C9orf85: variants seen among roughly 807,000 people sequenced by gnomAD.
The protein encoded by C9orf85 is chromosome 9 open reading frame 85.
C9orf85 carries 16 observed loss-of-function variants against 14.9 expected under a neutral mutation model. That is an observed-to-expected ratio of 1.08 (90% CI 0.73 to 1.63). The LOEUF (loss-of-function observed/expected upper bound fraction) is 1.63. C9orf85 is among the 40% of genes most tolerant of loss of function. C9orf85 has a pLI of 0.00. For synonymous variants in C9orf85, 45 were observed against 56.8 expected (o/e 0.79, Z 0.93); for missense variants, 172 against 186.1 (o/e 0.92, Z 0.44).
chr9:71,968,665 A>G (rs964797498), intron 2 of C9orf85, among the ~76,000 whole-genome samples: 10 of 152,310 alleles, frequency 6.6e-5, no homozygotes, highest in African/African-American at 2.4e-4. Flanking sequence ...TTTCGGTGCC[A>G]CCAAAGAAAT....
intron 1 of C9orf85, among the ~76,000 whole-genome samples, chr9:71,937,594 G>A (rs1299021547): frequency 6.6e-6 from 1 of 152,104 alleles, no homozygotes; most frequent in African/African-American, 2.4e-5. Flanking sequence ...TTGAACAAGA[G>A]GATCATTTTG....
chr9:71,921,958 T>TTATTATTATTA (rs1564082784), intron 1 of C9orf85, among the ~76,000 whole-genome samples: 9 of 93,582 alleles, frequency 9.6e-5, no homozygotes, highest in African/African-American at 4.0e-4. Context: ...TATTATTATT[T>TTATTATTATTA]TGAAACAGAG....
At chr9:71,946,326 G>A (rs116394519) in intron 1 of C9orf85, among the ~76,000 whole-genome samples, 2,216 of 152,226 alleles carry the variant, frequency 0.015, 46 homozygotes, top group African/African-American at 0.05. Context: ...TCCAACTCAC[G>A]GGGAGGATTT....
intron 1 of C9orf85, among the ~76,000 whole-genome samples, chr9:71,915,182 TA>T (rs202215206): frequency 0.071 from 1,045 of 14,780 alleles, 12 homozygotes; most frequent in African/African-American, 0.08. Context: ...TTATTATTAT[TA>T]TTTTTTTTTT....
chr9:71,921,654 G>A (rs1190464993), intron 1 of C9orf85, among the ~76,000 whole-genome samples: 1 of 152,206 alleles, frequency 6.6e-6, no homozygotes, highest in African/African-American at 2.4e-5. Flanking sequence ...TCCTGAGACT[G>A]AGTCATGGGC....
rs1469287201 is a variant in C9orf85, at chr9:71,911,682, T to G, written c.-53T>G. 8 of 1,502,760 alleles carry G rather than the reference T, an allele frequency of 5.3e-6. No homozygotes were observed. Among genetic ancestry groups the G allele is most frequent in the Non-Finnish European group, 7.4e-6 (8 of 1,078,844 alleles). The allele number at this position is 1,502,760 out of a possible 1,614,324, so 93.1% of individuals were successfully genotyped here. A position where few individuals can be genotyped will look rare whatever the true frequency, so the allele number is the denominator to read the frequency against. On this transcript the variant is annotated 5_prime_UTR_variant, in exon 1 of 4. Transcript: ENST00000334731. ...TCCTGGGAGTAGTTCGTTGGTTTTC[T>G]TTCCCCTCATCCTTTTGCCTGCTCC...
intron 2 of C9orf85, among the ~76,000 whole-genome samples, chr9:71,956,248 T>G (rs922406860): frequency 4.0e-4 from 58 of 144,784 alleles, no homozygotes; most frequent in Admixed American, 9.0e-4. Flanking sequence ...AAAAGTTTTT[T>G]TTTTTTTTTT....
Position 71,947,007 on chromosome 9 carries a change from A to C in C9orf85, c.104A>C (p.Lys35Thr). 2 of 1,609,016 alleles carry C rather than the reference A, an allele frequency of 1.2e-6. No homozygotes were observed. The highest frequency in any genetic ancestry group is 1.7e-6 in the Non-Finnish European group (2 of 1,176,962). ...TTTGTCTTTCTGTTTGTTTTTAAGA[A>C]AATTAATGCAAAACTTCATGATGGA... is the stretch of plus-strand genomic sequence containing the variant. ...DKFDKSVQTKKINAKLHDGVC... is the reference protein window; with the variant it reads ...DKFDKSVQTKTINAKLHDGVC... Residue 35 changes from lysine to threonine, a missense_variant and splice_region_variant, in exon 2 of 4, where the codon AAA becomes ACA. Physicochemically the swap from Lys to Thr is moderately conservative, Grantham distance 78. Coordinates refer to ENST00000334731, the MANE Select transcript of C9orf85 (RefSeq NM_182505.5).
chr9:71,961,110 C>A (rs1822506948), intron 2 of C9orf85, among the ~76,000 whole-genome samples: 2 of 151,352 alleles, frequency 1.3e-5, no homozygotes, highest in Admixed American at 1.3e-4. Flanking sequence ...CGGGATTTCT[C>A]CATGTTGGTC....
intron 1 of C9orf85, among the ~76,000 whole-genome samples, chr9:71,930,319 A>G (rs1439739426): frequency 6.6e-6 from 1 of 152,162 alleles, no homozygotes. Context: ...AAGATCTGAG[A>G]AGATAGAAAC....
At chr9:71,964,079 G>C (rs1340240002) in intron 2 of C9orf85, among the ~76,000 whole-genome samples, 1 of 152,104 alleles carries the variant, frequency 6.6e-6, no homozygotes, top group African/African-American at 2.4e-5. Context: ...CCTGTGTCTA[G>C]CTCAGGGTTT....
intron 1 of C9orf85, among the ~76,000 whole-genome samples, chr9:71,929,514 T>A (rs567822246): frequency 2.0e-5 from 3 of 152,326 alleles, no homozygotes; most frequent in South Asian, 4.1e-4. Flanking sequence ...ATTGTTTAGA[T>A]CTCAGTATGT....
At position 71,972,831 on chromosome 9, in the gene C9orf85, C is replaced by G; in HGVS notation, c.463C>G (p.Gln155Glu). The G allele has an allele frequency of 1.2e-6, 2 of 1,600,820 alleles. No homozygotes were observed. The highest frequency in any genetic ancestry group is 2.2e-5 in the South Asian group (2 of 89,882). Residue 155 changes from glutamine to glutamate, a missense_variant, in exon 4 of 4, where the codon CAA (glutamine) becomes GAA (glutamate). By Grantham distance (29) the Gln-to-Glu change is conservative. Coordinates refer to ENST00000334731, the MANE Select transcript of C9orf85 (RefSeq NM_182505.5). ...IDLEDTGGDH[Q>E]MN ...TTTAGAAGACACAGGAGGAGACCAT[C>G]AAATGAATTAATATCACTGTATTAA...
intron 1 of C9orf85, among the ~76,000 whole-genome samples, chr9:71,913,557 C>T (rs758613759): frequency 1.5e-4 from 23 of 152,182 alleles, no homozygotes; most frequent in Non-Finnish European, 2.5e-4. Flanking sequence ...CCTGAAGCAA[C>T]ATTTGGGAAG....
At chr9:71,943,483 A>G (rs1589257293) in intron 1 of C9orf85, among the ~76,000 whole-genome samples, 1 of 152,072 alleles carries the variant, frequency 6.6e-6, no homozygotes, top group Non-Finnish European at 1.5e-5. Context: ...AATATTTACA[A>G]TTTGCTCTTG....
downstream of C9orf85, among the ~76,000 whole-genome samples, chr9:71,973,860 G>GTT (rs60163753): frequency 0.81 from 114,875 of 142,454 alleles, 47,004 homozygotes; most frequent in East Asian, 0.92. Flanking sequence ...GGGTTTTGTT[G>GTT]TTTTTTTTTT....
chr9:71,915,818 T>G (rs1827634406), intron 1 of C9orf85, among the ~76,000 whole-genome samples: 1 of 152,208 alleles, frequency 6.6e-6, no homozygotes, highest in African/African-American at 2.4e-5. Context: ...ATTAAGCTTA[T>G]TTTTTAAATG....
intron 1 of C9orf85, among the ~76,000 whole-genome samples, chr9:71,913,431 T>C (rs1827567660): frequency 6.6e-6 from 1 of 152,112 alleles, no homozygotes; most frequent in Non-Finnish European, 1.5e-5. Context: ...AAATACAAAT[T>C]ATGATAAATA....
intron 1 of C9orf85, among the ~76,000 whole-genome samples, chr9:71,916,939 A>G (rs543830599): frequency 6.6e-6 from 1 of 152,208 alleles, no homozygotes; most frequent in Admixed American, 6.5e-5. Context: ...TACATTATCT[A>G]TAATAATTTC....
Sources: allele counts gnomAD v4.1 joint callset (sites outside exome capture counted in the v4.1 genomes callset), GRCh38; gene constraint gnomAD v4.1.1; transcripts MANE v1.5; gene names NCBI Gene and HGNC (gene_info 2026-07-23, HGNC 2026-07-21).